Variants in ANKFN1 observed in about 807,000 individuals in gnomAD.
ANKFN1 encodes ankyrin repeat and fibronectin type-III domain-containing protein 1.
Under a neutral mutation model 108.7 loss-of-function variants are expected in ANKFN1, and 74 were observed. That is an observed-to-expected ratio of 0.68 (90% CI 0.56 to 0.83). The LOEUF (loss-of-function observed/expected upper bound fraction) is 0.83. ANKFN1 is among the 40% of genes least tolerant of loss of function. The pLI is 0.00. For synonymous variants in ANKFN1, 547 were observed against 516.2 expected (o/e 1.06, Z -0.81); for missense variants, 1,505 against 1,382.3 (o/e 1.09, Z -1.41).
chr17:56,294,659 G>C (rs186651103), intron 3 of ANKFN1, among the ~76,000 whole-genome samples: 5 of 152,336 alleles, frequency 3.3e-5, no homozygotes, highest in Admixed American at 2.6e-4. Context: ...GTTCAAACTG[G>C]AACAAGGGTC....
At chr17:56,426,699 C>A (rs1469191980) in intron 8 of ANKFN1, among the ~76,000 whole-genome samples, 1 of 152,180 alleles carries the variant, frequency 6.6e-6, no homozygotes, top group South Asian at 2.1e-4. Context: ...AGATGTTTAA[C>A]CTTTCACAGG....
rs190450069 is a variant in ANKFN1 at position 56,283,072 on chromosome 17, A to G, written c.54-43149A>G. On this transcript the variant is annotated intron_variant, in intron 3 of 20. Transcript: ENST00000682825. The stretch of plus-strand genomic sequence containing the variant: ...TGGTGTATATATTATTTCATCACCC[A>G]GGTAATAAGCATGGTACTCAATAGG... Among the ~76,000 whole-genome samples, 7 of 152,268 alleles carry G rather than the reference A, an allele frequency of 4.6e-5. 1 individual carries two copies. In the East Asian group the frequency reaches 1.4e-3, roughly 29 times the overall value.
chr17:56,433,401 AT>A (rs1459671320), intron 8 of ANKFN1, among the ~76,000 whole-genome samples: 1 of 152,038 alleles, frequency 6.6e-6, no homozygotes, highest in East Asian at 1.9e-4. Context: ...TATTTCCTCA[AT>A]TTTTTGTGCT....
chr17:56,210,684 A>C (rs1914919084), intron 1 of ANKFN1, among the ~76,000 whole-genome samples: 1 of 152,198 alleles, frequency 6.6e-6, no homozygotes, highest in African/African-American at 2.4e-5. Context: ...TATAAAGAAA[A>C]GAGGTTAATT....
chr17:56,055,989 T>A (rs1208465543), intron 4 of ANKFN1, among the ~76,000 whole-genome samples: 1 of 152,098 alleles, frequency 6.6e-6, no homozygotes, highest in Admixed American at 6.5e-5. Context: ...TTGAGAATTT[T>A]TTCATGTTTT....
At chr17:56,047,896 A>AG (rs1904706779) in intron 4 of ANKFN1, among the ~76,000 whole-genome samples, 1 of 152,142 alleles carries the variant, frequency 6.6e-6, no homozygotes, top group Non-Finnish European at 1.5e-5. Flanking sequence ...AATATGAATA[A>AG]TCTGATGCCT....
intron 15 of ANKFN1, among the ~76,000 whole-genome samples, chr17:56,468,734 A>G (rs1033944740): frequency 2.0e-5 from 3 of 152,224 alleles, no homozygotes; most frequent in African/African-American, 2.4e-5. Context: ...ACAAAGGCCA[A>G]TGAAGCAAAG....
chr17:56,354,746 T>TA (rs1018727830), intron 6 of ANKFN1, among the ~76,000 whole-genome samples: 51 of 152,302 alleles, frequency 3.3e-4, no homozygotes, highest in African/African-American at 1.2e-3. Flanking sequence ...ATCAACTTTT[T>TA]AAAAAAATTC....
chr17:56,350,617 TA>T (rs1252325258), intron 4 of ANKFN1, 148 bp from the exon 5 acceptor site: 4 of 718,962 alleles, frequency 5.6e-6, no homozygotes, highest in South Asian at 2.0e-5. Context: ...ATTTAAAACA[TA>T]AAAAAAGCTG....
At chr17:56,469,663 C>T (rs2050247616) in intron 15 of ANKFN1, among the ~76,000 whole-genome samples, 1 of 152,144 alleles carries the variant, frequency 6.6e-6, no homozygotes, top group Non-Finnish European at 1.5e-5. Context: ...CTGCAAAAAA[C>T]CTACTTCATA....
At chr17:56,427,724 C>T (rs1426168434) in intron 8 of ANKFN1, among the ~76,000 whole-genome samples, 1 of 152,082 alleles carries the variant, frequency 6.6e-6, no homozygotes, top group Non-Finnish European at 1.5e-5. Flanking sequence ...CTTTCTCTAG[C>T]CAAAGAGACC....
intron 3 of ANKFN1, among the ~76,000 whole-genome samples, chr17:56,322,255 C>T (rs373353839): frequency 1.4e-4 from 21 of 152,272 alleles, no homozygotes; most frequent in East Asian, 1.2e-3. Context: ...TCACCTTCAA[C>T]GTGTCTCTCT....
intron 3 of ANKFN1, among the ~76,000 whole-genome samples, chr17:56,280,008 C>CTTTTTTTTTTTTTTTTTTTTTTTTTTT (rs3086033): frequency 9.6e-5 from 13 of 134,856 alleles, no homozygotes; most frequent in African/African-American, 3.5e-4. Flanking sequence ...CACATAATGT[C>CTTTTTTTTTTTTTTTTTTTTTTTTTTT]TTTTTTTTTT....
At chr17:56,467,839 AAAGAAAGAAAGAAAAAGG>A (rs2050177796) in intron 15 of ANKFN1, among the ~76,000 whole-genome samples, 4 of 30,732 alleles carry the variant, frequency 1.3e-4, no homozygotes, top group Non-Finnish European at 2.6e-4. Flanking sequence ...AGAAAGAAAG[AAAGAAAGAAAGAAAAAGG>A]GAAAGAAAGA....
intron 2 of ANKFN1, chr17:56,224,695 T>C (rs1458575195): frequency 6.6e-6 from 1 of 152,150 alleles, no homozygotes; most frequent in East Asian, 1.9e-4. Context: ...GAAGTTGAGA[T>C]CAATGAATGG....
chr17:56,324,768 T>A (rs546687216), intron 3 of ANKFN1, among the ~76,000 whole-genome samples: 1 of 152,224 alleles, frequency 6.6e-6, no homozygotes, highest in Admixed American at 6.5e-5. Context: ...TAGAAAGTGA[T>A]AGTAAATGTT....
intron 6 of ANKFN1, among the ~76,000 whole-genome samples, chr17:56,370,346 CAGA>C (rs1287585471): frequency 6.6e-6 from 1 of 152,124 alleles, no homozygotes; most frequent in Non-Finnish European, 1.5e-5. Context: ...GAAAAATTGT[CAGA>C]AGGAGCCAAG....
At chr17:56,486,576 C>T (rs1453929822) in intron 18 of ANKFN1, among the ~76,000 whole-genome samples, 1 of 152,184 alleles carries the variant, frequency 6.6e-6, no homozygotes, top group Admixed American at 6.5e-5. Context: ...TATATAGGAA[C>T]TTCCAAGGGC....
chr17:56,247,559 A>G (rs1918046713), intron 3 of ANKFN1, among the ~76,000 whole-genome samples: 1 of 152,208 alleles, frequency 6.6e-6, no homozygotes, highest in East Asian at 1.9e-4. Context: ...ATTTTATACC[A>G]GTGATTTTTC....
Sources: allele counts gnomAD v4.1 joint callset (sites outside exome capture counted in the v4.1 genomes callset), GRCh38; gene constraint gnomAD v4.1.1; transcripts MANE v1.5; gene names NCBI Gene and HGNC (gene_info 2026-07-23, HGNC 2026-07-21).